PCDHA1: variants seen among roughly 807,000 people sequenced by gnomAD.
The protein encoded by PCDHA1 is protocadherin alpha 1.
A neutral mutation model predicts 61.3 loss-of-function variants in PCDHA1; 42 were observed. The observed-to-expected ratio is 0.69, with a 90% CI of 0.54 to 0.89. The LOEUF (loss-of-function observed/expected upper bound fraction) is 0.89. PCDHA1 is among the 40% of genes least tolerant of loss of function. The pLI is 0.00. For synonymous variants in PCDHA1, 610 were observed against 553.8 expected, an observed-to-expected ratio of 1.10 and a Z score of -1.43; for missense variants, 1,256 against 1,235.3, an observed-to-expected ratio of 1.02 and a Z score of -0.25.
chr5:140,928,166 T>G, intron 1 of PCDHA1: 1 of 1,614,142 alleles, frequency 6.2e-7, no homozygotes, highest in South Asian at 1.1e-5. Context: ...TCACCCCCAC[T>G]TAGCACCCGA....
chr5:140,818,100 T>C (rs1361463001), intron 1 of PCDHA1, among the ~76,000 whole-genome samples: 1 of 152,252 alleles, frequency 6.6e-6, no homozygotes, highest in Non-Finnish European at 1.5e-5. Context: ...TGTGGGTTGA[T>C]AATATTTTAT....
chr5:140,788,474 T>C lies in PCDHA1; in HGVS notation c.2184T>C (p.Thr728=). Residue 728 remains threonine (T), a synonymous_variant, in exon 1 of 4, where the codon ACT becomes ACC. Coordinates refer to ENST00000504120, the MANE Select transcript of PCDHA1 (RefSeq NM_018900.4). ...YTALRCSVPP[T]EGAYVPGKPT... ...CGCTGCGGTGCTCAGTGCCGCCCACTGAGGGTGCGTATGTGCCGGGCAAGC... is the reference window on the plus strand; with the variant it reads ...CGCTGCGGTGCTCAGTGCCGCCCACCGAGGGTGCGTATGTGCCGGGCAAGC... The C allele has an allele frequency of 6.2e-7, 1 of 1,614,056 alleles. No homozygotes were observed. The highest frequency in any genetic ancestry group is 8.5e-7 in the Non-Finnish European group (1 of 1,180,004).
chr5:140,966,514 A>G (rs2096013065), intron 1 of PCDHA1: 1 of 434,820 alleles, frequency 2.3e-6, no homozygotes, highest in Non-Finnish European at 4.0e-6. Flanking sequence ...CAGCAGCAGC[A>G]GGAAGCCGAG....
chr5:140,796,225 T>A, intron 1 of PCDHA1: 1 of 1,614,214 alleles, frequency 6.2e-7, no homozygotes, highest in Non-Finnish European at 8.5e-7. Context: ...CGTGTCAGCC[T>A]ATGAGCTGGT....
chr5:140,835,412 A>C lies in PCDHA1; in HGVS notation c.2394+46728A>C, dbSNP rs2150235201. The C allele has an allele frequency of 4.3e-6, 7 of 1,613,988 alleles. No homozygotes were observed. The East Asian group carries it at 1.6e-4, about 36-fold the overall frequency. On this transcript the variant is annotated intron_variant, in intron 1 of 3. Coordinates refer to ENST00000504120, the MANE Select transcript of PCDHA1 (RefSeq NM_018900.4). ...CAGTTCTTGTGGAAGTTGTGGATGT[A>C]AATGACAATGCTCCACAGTTGACTC...
chr5:140,833,453 A>T (rs1238975338), intron 1 of PCDHA1, among the ~76,000 whole-genome samples: 3 of 152,230 alleles, frequency 2.0e-5, no homozygotes, highest in Non-Finnish European at 4.4e-5. Context: ...ATCTAATAAA[A>T]TAAACTTACA....
At chr5:140,910,105 T>C (rs1021391817) in intron 1 of PCDHA1, among the ~76,000 whole-genome samples, 11 of 152,202 alleles carry the variant, frequency 7.2e-5, no homozygotes, top group African/African-American at 2.7e-4. Flanking sequence ...CCCCTTCATT[T>C]AAGGGATTCT....
At position 141,009,622 on chromosome 5, in the gene PCDHA1, T is replaced by C. The variant is rs782517998; in HGVS notation, c.2543-5T>C. On this transcript the variant is annotated splice_region_variant and splice_polypyrimidine_tract_variant and intron_variant, in intron 3 of 3. Coordinates refer to ENST00000504120, the MANE Select transcript of PCDHA1 (RefSeq NM_018900.4). ...GTTAATGATTTGTAATGTTTTGTCT[T>C]TCAGAACCAGAGGCAGGAGAAGTGT... is the stretch of plus-strand genomic sequence containing the variant. 6.2e-7 allele frequency: 1 copy of C among 1,612,598 alleles called. No homozygotes were observed.
At chr5:140,885,595 A>G (rs1386755812) in intron 1 of PCDHA1, among the ~76,000 whole-genome samples, 1 of 152,218 alleles carries the variant, frequency 6.6e-6, no homozygotes, top group Non-Finnish European at 1.5e-5. Context: ...CATCAAAGAT[A>G]TTAATAATTT....
Position 140,975,977 on chromosome 5 carries a change from TA to T in PCDHA1, c.2395-2971del, listed in dbSNP as rs781900191. ...GTTCTTCACCAATAGAAAGTAAGCATAGTCCTGGGAGGTACCATCTAAGTAT... is the reference window on the plus strand; with the variant it reads ...GTTCTTCACCAATAGAAAGTAAGCATGTCCTGGGAGGTACCATCTAAGTAT... On this transcript the variant is annotated intron_variant, in intron 1 of 3. Coordinates refer to ENST00000504120, the MANE Select transcript of PCDHA1 (RefSeq NM_018900.4). Among the ~76,000 whole-genome samples, 17 of 152,284 alleles carry T rather than the reference TA, an allele frequency of 1.1e-4. 1 individual carries two copies. The highest frequency in any genetic ancestry group is 1.8e-4 in the Non-Finnish European group (12 of 68,014).
At chr5:140,796,224 C>T (rs782400727) in intron 1 of PCDHA1, 33 of 1,614,216 alleles carry the variant, frequency 2.0e-5, no homozygotes, top group Non-Finnish European at 2.8e-5. Context: ...GCGTGTCAGC[C>T]TATGAGCTGG....
chr5:140,841,394 A>G (rs2150314638), intron 1 of PCDHA1: 1 of 1,613,274 alleles, frequency 6.2e-7, no homozygotes, highest in East Asian at 2.2e-5. Context: ...CGCAGCCTGG[A>G]AGGTGGGGAG....
rs782722148 is a variant in PCDHA1 at position 140,857,308 on chromosome 5, T to C, written c.2394+68624T>C. 3.4e-5 allele frequency: 54 copies of C among 1,598,232 alleles called. 3 individuals carry two copies. The highest frequency in any genetic ancestry group is 4.5e-5 in the Non-Finnish European group (53 of 1,167,612). On this transcript the variant is annotated intron_variant, in intron 1 of 3. Transcript: ENST00000504120. ...TGGACCGCGAGAGGGTGTCGGCCTA[T>C]GAGCTGGTGGTGACCGCGCGGGACG...
At chr5:140,886,361 G>A (rs374709389) in intron 1 of PCDHA1, among the ~76,000 whole-genome samples, 1 of 151,992 alleles carries the variant, frequency 6.6e-6, no homozygotes, top group African/African-American at 2.4e-5. Context: ...TTACATAGGT[G>A]TACATGCCAT....
intron 1 of PCDHA1, chr5:140,824,158 C>G: frequency 6.2e-7 from 1 of 1,611,212 alleles, no homozygotes; most frequent in Non-Finnish European, 8.5e-7. Context: ...ATCCATCTTT[C>G]CCTCCCAATT....
At chr5:140,795,693 C>T (rs782522858) in intron 1 of PCDHA1, 4 of 1,614,038 alleles carry the variant, frequency 2.5e-6, no homozygotes, top group Admixed American at 1.7e-5. Context: ...CAACTTTTGC[C>T]CAATCAGTTT....
Position 140,843,376 on chromosome 5 carries a change from C to A in PCDHA1, c.2394+54692C>A, listed in dbSNP as rs1554140003. The stretch of plus-strand genomic sequence containing the variant: ...AAGCGTCATCGAGGCAGTCGGCTGG[C>A]GTTTTGGGTCCGGAAGCGGCGCTGG... On this transcript the variant is annotated intron_variant, in intron 1 of 3. Transcript: ENST00000504120. The A allele has an allele frequency of 5.0e-6, 8 of 1,595,956 alleles. 1 individual carries two copies. Among genetic ancestry groups the A allele is most frequent in the Middle Eastern group, 3.3e-4 (2 of 6,012 alleles).
At chr5:140,808,261 A>T (rs373829294) in intron 1 of PCDHA1, 14 of 1,614,106 alleles carry the variant, frequency 8.7e-6, no homozygotes, top group Non-Finnish European at 1.2e-5. Flanking sequence ...TATCACTTCC[A>T]ATTAGAGAGG....
chr5:140,855,873 A>G lies in PCDHA1; in HGVS notation c.2394+67189A>G. ...ACCGGATGTCGCTGTCGTCCACAAAATAGCTTTTTAGAACAAAGGCATCAG... is the reference window on the plus strand; with the variant it reads ...ACCGGATGTCGCTGTCGTCCACAAAGTAGCTTTTTAGAACAAAGGCATCAG... On this transcript the variant is annotated intron_variant, in intron 1 of 3. Coordinates refer to ENST00000504120, the MANE Select transcript of PCDHA1 (RefSeq NM_018900.4). The G allele has an allele frequency of 2.3e-6, 2 of 864,574 alleles. 1 individual carries two copies. Among genetic ancestry groups the G allele is most frequent in the South Asian group, 4.1e-5 (2 of 49,350 alleles). The allele number at this position is 864,574 out of a possible 1,614,324, so 53.6% of individuals were successfully genotyped here.
Sources: allele counts gnomAD v4.1 joint callset (sites outside exome capture counted in the v4.1 genomes callset), GRCh38; gene constraint gnomAD v4.1.1; transcripts MANE v1.5; gene names NCBI Gene and HGNC (gene_info 2026-07-23, HGNC 2026-07-21).